Variants in MYLK4 observed in about 807,000 individuals in gnomAD.
MYLK4 encodes caMLCK like.
MYLK4 carries 46 observed loss-of-function variants against 48.1 expected under a neutral mutation model. The ratio of observed to expected loss-of-function variants is 0.96; its 90% CI spans 0.75 to 1.22. The LOEUF is 1.22. MYLK4 is among the 50% of genes most tolerant of loss of function. The pLI is 0.00. For synonymous variants in MYLK4, 170 were observed against 180.8 expected, an observed-to-expected ratio of 0.94 and a Z score of 0.48; for missense variants, 451 against 486.1, an observed-to-expected ratio of 0.93 and a Z score of 0.68.
rs527594079 is a variant in MYLK4, at chr6:2,673,768, A to G, written c.1119+1279T>C. On this transcript the variant is annotated intron_variant, in intron 11 of 12. Coordinates refer to ENST00000274643, the MANE Select transcript of MYLK4 (RefSeq NM_001012418.5). The surrounding 1 kb of genome is among the most constrained non-coding windows in gnomAD (Gnocchi z 4.2). ...TGGATGGAGACAACATGAAGGAGGC[A>G]GAGAAGCCAGTTAGGAGGCTGCAGT... 3.8e-4 allele frequency among the ~76,000 whole-genome samples: 58 copies of G among 152,372 alleles called. 1 individual carries two copies. The South Asian group carries it at 0.012, about 31-fold the overall frequency.
intron 2 of MYLK4, among the ~76,000 whole-genome samples, chr6:2,747,521 A>AT (rs1764140701): frequency 6.6e-6 from 1 of 151,692 alleles, no homozygotes; most frequent in African/African-American, 2.4e-5. Flanking sequence ...TTTTATTTGT[A>AT]TTTTTTTATT....
the MYLK4 span, chr6:2,765,753 C>A: frequency 1.3e-6 from 2 of 1,494,870 alleles, no homozygotes; most frequent in Non-Finnish European, 1.8e-6. Context: ...CTGCTCCACC[C>A]GGCGGGGCAC....
rs112961160 is a variant in MYLK4, at chr6:2,685,036, T to C, written c.545+260A>G. On this transcript the variant is annotated intron_variant, in intron 6 of 12. Coordinates refer to ENST00000274643, the MANE Select transcript of MYLK4 (RefSeq NM_001012418.5). The surrounding 1 kb of genome is among the most constrained non-coding windows in gnomAD (Gnocchi z 4.5). The stretch of plus-strand genomic sequence containing the variant: ...AGGTTGCCCTGGCTAATATTTAAGC[T>C]TGATTTTTGACAAACAGCGTAGATA... Among the ~76,000 whole-genome samples, 3 of 152,316 alleles carry C rather than the reference T, an allele frequency of 2.0e-5. No homozygotes were observed. Among genetic ancestry groups the C allele is most frequent in the Non-Finnish European group, 2.9e-5 (2 of 68,040 alleles).
intron 10 of MYLK4, 54 bp from the exon 11 acceptor site, chr6:2,675,179 T>A (rs1761040083): frequency 3.8e-6 from 5 of 1,323,120 alleles, no homozygotes; most frequent in Non-Finnish European, 5.4e-6. Flanking sequence ...AAGGCCTGTA[T>A]CTGCTGTTCA....
chr6:2,718,009 C>A (rs988219266), intron 2 of MYLK4, among the ~76,000 whole-genome samples: 1 of 151,994 alleles, frequency 6.6e-6, no homozygotes, highest in South Asian at 2.1e-4. Flanking sequence ...GGAGAAACCC[C>A]GTCTCTACCA....
At chr6:2,762,283 G>A in the MYLK4 span, among the ~76,000 whole-genome samples, 1 of 152,100 alleles carries the variant, frequency 6.6e-6, no homozygotes, top group Non-Finnish European at 1.5e-5. Context: ...CAATAAAGTT[G>A]GACGTAAAAT....
At chr6:2,734,462 C>A (rs1763593518) in intron 2 of MYLK4, among the ~76,000 whole-genome samples, 3 of 152,108 alleles carry the variant, frequency 2.0e-5, no homozygotes, top group Admixed American at 2.0e-4. Context: ...GGCCACAGGA[C>A]AAGTTCTGTG....
chr6:2,754,190 GAA>G (rs1400607494), upstream of MYLK4, among the ~76,000 whole-genome samples: 1 of 152,116 alleles, frequency 6.6e-6, no homozygotes, highest in Non-Finnish European at 1.5e-5. Context: ...CAAGAGAAAT[GAA>G]AACATATGAA....
intron 2 of MYLK4, among the ~76,000 whole-genome samples, chr6:2,731,257 CAA>C (rs148252520): frequency 6.6e-6 from 1 of 151,276 alleles, no homozygotes; most frequent in African/African-American, 2.4e-5. Flanking sequence ...TTAGGGGTGA[CAA>C]AAAAAATGGT....
upstream of MYLK4, among the ~76,000 whole-genome samples, chr6:2,752,494 T>G (rs1480974167): frequency 6.6e-6 from 1 of 151,960 alleles, no homozygotes; most frequent in East Asian, 1.9e-4. Context: ...GGGTATGGGG[T>G]ATGAAAGAAA....
At chr6:2,714,388 T>C (rs1762790708) in intron 2 of MYLK4, among the ~76,000 whole-genome samples, 1 of 152,234 alleles carries the variant, frequency 6.6e-6, no homozygotes, top group African/African-American at 2.4e-5. Flanking sequence ...AAAGTGGGTT[T>C]GAATGAGTGT....
chr6:2,747,206 G>C (rs148095493), intron 2 of MYLK4, among the ~76,000 whole-genome samples: 1 of 152,144 alleles, frequency 6.6e-6, no homozygotes, highest in East Asian at 1.9e-4. Context: ...GGTTTCTAGG[G>C]GTTAAATAGC....
In MYLK4 at chr6:2,683,179, A is replaced by G. The variant is rs753786862; in HGVS notation, c.546-17T>C. 1.2e-6 allele frequency: 2 copies of G among 1,614,080 alleles called. No individual in the cohort carries two copies. Among genetic ancestry groups the G allele is most frequent in the Admixed American group, 1.7e-5 (1 of 60,022 alleles). Reference sequence around the variant, plus strand: ...CCATCCACACTGCAGAGGGAAGAGGACTGAAACCCTCAGTCCCGATTTCCT... The same window carrying G: ...CCATCCACACTGCAGAGGGAAGAGGGCTGAAACCCTCAGTCCCGATTTCCT... On this transcript the variant is annotated splice_polypyrimidine_tract_variant and intron_variant, in intron 6 of 12. Transcript: ENST00000274643.
chr6:2,763,495 C>T, the MYLK4 span, among the ~76,000 whole-genome samples: 3 of 152,312 alleles, frequency 2.0e-5, no homozygotes, highest in East Asian at 1.9e-4. Context: ...TACGGCCTGG[C>T]GAGAAGTGCT....
At chr6:2,725,860 C>T (rs569740140) in intron 2 of MYLK4, among the ~76,000 whole-genome samples, 1 of 152,320 alleles carries the variant, frequency 6.6e-6, no homozygotes, top group Admixed American at 6.5e-5. Context: ...ACGTGAGTGC[C>T]TCTCACTCAG....
chr6:2,728,544 T>C (rs1755266121), intron 2 of MYLK4, among the ~76,000 whole-genome samples: 1 of 152,224 alleles, frequency 6.6e-6, no homozygotes, highest in Non-Finnish European at 1.5e-5. Context: ...CCCCATGTGC[T>C]TGCTGGTCCC....
At chr6:2,736,074 C>T (rs560447187) in intron 2 of MYLK4, among the ~76,000 whole-genome samples, 61 of 152,236 alleles carry the variant, frequency 4.0e-4, no homozygotes, top group Middle Eastern at 3.4e-3. Flanking sequence ...TAAACCAGCA[C>T]GCCCCAAAGC....
At chr6:2,765,584 C>T in the MYLK4 span, 9 of 1,453,812 alleles carry the variant, frequency 6.2e-6, no homozygotes, top group South Asian at 2.6e-5. Flanking sequence ...GCACGGGTTG[C>T]TGCGGCCGCG....
At chr6:2,669,893 G>A (rs757941405) in intron 12 of MYLK4, among the ~76,000 whole-genome samples, 3 of 152,162 alleles carry the variant, frequency 2.0e-5, no homozygotes, top group African/African-American at 7.2e-5. Flanking sequence ...ACATGTAAGC[G>A]TCCCTTCCTC....
Sources: gnomAD v4.1 joint callset for allele counts (sites outside exome capture counted in the v4.1 genomes callset) on GRCh38, gnomAD v4.1.1 for gene constraint, Gnocchi (gnomAD v3.1) non-coding constraint, MANE v1.5 for transcripts, NCBI Gene and HGNC (gene_info 2026-07-23, HGNC 2026-07-21) for gene names.